ADAP1: variants seen among roughly 807,000 people sequenced by gnomAD.
The protein encoded by ADAP1 is arf-GAP with dual PH domain-containing protein 1.
A neutral mutation model predicts 54.9 loss-of-function variants in ADAP1; 31 were observed. The observed-to-expected ratio is 0.56, with a 90% confidence interval of 0.42 to 0.76. The LOEUF (loss-of-function observed/expected upper bound fraction) is 0.76. ADAP1 is among the 30% of genes least tolerant of loss of function. The probability of loss-of-function intolerance (pLI) is 0.00; values close to 1 mark genes in which losing one functional copy is unlikely to be tolerated. For synonymous variants in ADAP1, 313 were observed against 202.6 expected, an observed-to-expected ratio of 1.55 and a Z score of -4.63; for missense variants, 535 against 512.4, an observed-to-expected ratio of 1.04 and a Z score of -0.42.
chr7:927,181 G>A (rs866576704), intron 2 of ADAP1: 44 of 1,296,822 alleles, frequency 3.4e-5, no homozygotes, highest in Middle Eastern at 2.1e-4. Flanking sequence ...CAGGGACCCA[G>A]AACATGTTTA....
chr7:933,484 A>AGCCGGGG lies in ADAP1; in HGVS notation c.213+1884_213+1890dup, dbSNP rs537163476. ...GGGGCAGGGGTCAGTGGTGCTGGAG[A>AGCCGGGG]GCCGGGGGCCGGGGTCAGTGGTGCT... On this transcript the variant is annotated intron_variant, in intron 2 of 10. Coordinates refer to ENST00000265846, the MANE Select transcript of ADAP1 (RefSeq NM_006869.4). Among the ~76,000 whole-genome samples the AGCCGGGG allele has an allele frequency of 6.2e-3, 295 of 47,796 alleles. 28 individuals are homozygous for AGCCGGGG. The highest frequency in any genetic ancestry group is 0.015 in the Non-Finnish European group (227 of 15,654). 31.4% of individuals were successfully genotyped at this position (47,796 alleles called of 152,430 possible). A position where few individuals can be genotyped will look rare whatever the true frequency, so the allele number is the denominator to read the frequency against.
At chr7:944,277 CAG>C (rs200268710) in intron 1 of ADAP1, among the ~76,000 whole-genome samples, 3,214 of 134,918 alleles carry the variant, frequency 0.024, 118 homozygotes, top group African/African-American at 0.074. Flanking sequence ...TTTTTTGAGA[CAG>C]AGTCTCACTC....
chr7:942,952 G>T (rs1400385375), intron 1 of ADAP1, among the ~76,000 whole-genome samples: 6 of 31,086 alleles, frequency 1.9e-4, no homozygotes, highest in East Asian at 9.9e-4. Flanking sequence ...GAAGAGAGAG[G>T]AGGAGGAAGG....
intron 1 of ADAP1, among the ~76,000 whole-genome samples, chr7:948,690 G>A (rs1279371050): frequency 1.3e-5 from 2 of 151,954 alleles, no homozygotes; most frequent in Non-Finnish European, 2.9e-5. Flanking sequence ...GGGCATCCAA[G>A]ATTCTATGTC....
intron 6 of ADAP1, among the ~76,000 whole-genome samples, chr7:902,420 T>G (rs1338046606): frequency 7.0e-6 from 1 of 142,070 alleles, no homozygotes; most frequent in Non-Finnish European, 1.5e-5. Context: ...ATTGCACCAC[T>G]GCACTCCAGC....
chr7:909,206 GGCGCC>G (rs1562917947), intron 4 of ADAP1, among the ~76,000 whole-genome samples: 9 of 72,344 alleles, frequency 1.2e-4, no homozygotes, highest in South Asian at 5.1e-4. Flanking sequence ...CCCGACAGCA[GGCGCC>G]AGCGGGAACC....
At chr7:911,466 C>T (rs1845718880) in intron 4 of ADAP1, among the ~76,000 whole-genome samples, 1 of 152,164 alleles carries the variant, frequency 6.6e-6, no homozygotes. Context: ...AACCCTGAGG[C>T]CCCCACACAG....
chr7:923,660 C>T (rs959339394), intron 3 of ADAP1, among the ~76,000 whole-genome samples: 5 of 152,106 alleles, frequency 3.3e-5, no homozygotes, highest in African/African-American at 7.2e-5. Context: ...GAGGTGGGCA[C>T]GGTGCTCGAC....
intron 1 of ADAP1, among the ~76,000 whole-genome samples, chr7:950,478 T>A: frequency 8.0e-6 from 1 of 125,280 alleles, no homozygotes. Context: ...AGAATGAGAC[T>A]CTGCCTCAAA....
At chr7:918,935 AGAGTTGGGGACTGCTG>A (rs1187400576) in intron 4 of ADAP1, among the ~76,000 whole-genome samples, 4 of 44,652 alleles carry the variant, frequency 9.0e-5, no homozygotes, top group South Asian at 4.7e-4. Flanking sequence ...GCTGGGGGGC[AGAGTTGGGGACTGCTG>A]GGGGGCACAG....
At chr7:929,920 T>C (rs916141267) in intron 2 of ADAP1, among the ~76,000 whole-genome samples, 2 of 151,434 alleles carry the variant, frequency 1.3e-5, no homozygotes, top group Admixed American at 6.6e-5. Context: ...CTGGGCAACA[T>C]AGTGAGACCC....
At chr7:905,310 G>GATGGGGAGAGGGGAC in intron 4 of ADAP1, 138 bp from the exon 5 acceptor site, 1 of 332,986 alleles carries the variant, frequency 3.0e-6, no homozygotes, top group Non-Finnish European at 5.2e-6. Context: ...GGGGGAGACG[G>GATGGGGAGAGGGGAC]ACGGGGAGAG....
In ADAP1 at chr7:937,494, C is replaced by T. The variant is rs1428360322; in HGVS notation, c.83-1989G>A. ...TGCCCGGCCTCTGGGATTTGGAGGT[C>T]ATGCCCGGCCTCTGGGATTTGGAGG... On this transcript the variant is annotated intron_variant, in intron 1 of 10. Coordinates refer to ENST00000265846, the MANE Select transcript of ADAP1 (RefSeq NM_006869.4). Among the ~76,000 whole-genome samples, 2 of 27,130 alleles carry T rather than the reference C, an allele frequency of 7.4e-5. 1 individual carries two copies. Among genetic ancestry groups the T allele is most frequent in the Non-Finnish European group, 1.2e-4 (2 of 16,784 alleles). The allele number at this position is 27,130 out of a possible 152,430, so 17.8% of individuals were successfully genotyped here.
chr7:909,282 C>T (rs1211800055), intron 4 of ADAP1, among the ~76,000 whole-genome samples: 5 of 38,240 alleles, frequency 1.3e-4, no homozygotes, highest in Non-Finnish European at 2.1e-4. Context: ...CAGGCGCCAG[C>T]GGGAACCCCG....
At chr7:900,691 C>T in intron 6 of ADAP1, 75 bp from the exon 7 acceptor site, 2 of 1,356,488 alleles carry the variant, frequency 1.5e-6, no homozygotes, top group Admixed American at 2.0e-5. Context: ...GGCTGGGGTC[C>T]CCACAGAGGG....
At chr7:901,163 G>A (rs1173692535) in intron 6 of ADAP1, 2 of 383,270 alleles carry the variant, frequency 5.2e-6, no homozygotes, top group African/African-American at 4.2e-5. Flanking sequence ...GCGTGGGGTG[G>A]GCCAGCACCC....
chr7:954,679 G>C lies in ADAP1; in HGVS notation c.-202C>G. 1.0e-6 allele frequency: 1 copy of C among 981,806 alleles called. No individual in the cohort carries two copies. Among genetic ancestry groups the C allele is most frequent in the Non-Finnish European group, 1.2e-6 (1 of 828,914 alleles). The allele number at this position is 981,806 out of a possible 1,614,324, so 60.8% of individuals were successfully genotyped here. On this transcript the variant is annotated 5_prime_UTR_variant, in exon 1 of 11. Coordinates refer to ENST00000265846, the MANE Select transcript of ADAP1 (RefSeq NM_006869.4). ...TGTCTCCGCCGCGGTCGCTGAGCGAGTGCCGGCGCGGGGCCCGGGGCGCAC... is the reference window on the plus strand; with the variant it reads ...TGTCTCCGCCGCGGTCGCTGAGCGACTGCCGGCGCGGGGCCCGGGGCGCAC...
Position 899,479 on chromosome 7 carries a change from G to C in ADAP1, c.807C>G (p.Gly269=), listed in dbSNP as rs767882778. The C allele has an allele frequency of 8.7e-6, 14 of 1,612,806 alleles. No homozygotes were observed. The highest frequency in any genetic ancestry group is 3.3e-4 in the Middle Eastern group (2 of 6,082). ...CCATGGTGAACCAGCGCTTCCGGAA[G>C]CCTTCCGTTTGCTGTGGGTCAGAGA... The part of the protein sequence containing the change: ...MEKTGPKQTE[G]FRKRWFTMDD... Residue 269 remains glycine (G), a synonymous_variant, in exon 9 of 11, where the codon GGC becomes GGG. Transcript: ENST00000265846.
chr7:905,114 C>T lies in ADAP1; in HGVS notation c.447G>A (p.Arg149=), dbSNP rs541254640. 8.1e-5 allele frequency: 130 copies of T among 1,612,518 alleles called. No homozygotes were observed. The highest frequency in any genetic ancestry group is 1.0e-4 in the Non-Finnish European group (120 of 1,179,904). Reference sequence around the variant, plus strand: ...CCTCTCGTTCTGTCAGCACAAACTTCCGGCTCAAAAACTGCCCGTTGTCCC... The same window carrying T: ...CCTCTCGTTCTGTCAGCACAAACTTTCGGCTCAAAAACTGCCCGTTGTCCC... ...RGRDNGQFLS[R]KFVLTEREGA... Residue 149 remains arginine, a synonymous_variant, in exon 5 of 11, where the codon CGG becomes CGA. Coordinates refer to ENST00000265846, the MANE Select transcript of ADAP1 (RefSeq NM_006869.4).
Sources: gnomAD v4.1 joint callset for allele counts (sites outside exome capture counted in the v4.1 genomes callset) on GRCh38, gnomAD v4.1.1 for gene constraint, MANE v1.5 for transcripts, NCBI Gene and HGNC (gene_info 2026-07-23, HGNC 2026-07-21) for gene names.